DAG1: variants seen among roughly 807,000 people sequenced by gnomAD.
DAG1 encodes the protein dystroglycan 1, also known as dystroglycan 1 (dystrophin-associated glycoprotein 1).
A neutral mutation model predicts 46.1 loss-of-function variants in DAG1; 8 were observed. That is an observed-to-expected ratio of 0.17 (90% CI 0.10 to 0.31). The LOEUF (loss-of-function observed/expected upper bound fraction) is 0.31, where lower values mean the gene tolerates loss of function less well. DAG1 is among the 10% of genes least tolerant of loss of function. DAG1 has a pLI of 1.00. For synonymous variants in DAG1, 495 were observed against 481.8 expected (o/e 1.03, Z -0.36); for missense variants, 1,003 against 1,189.9 (o/e 0.84, Z 2.31).
intron 1 of DAG1, among the ~76,000 whole-genome samples, chr3:49,508,165 T>G (rs1032866538): frequency 2.0e-5 from 3 of 150,048 alleles, no homozygotes; most frequent in African/African-American, 7.3e-5. Flanking sequence ...TTTTTATTAT[T>G]TCCTTCTGCT....
chr3:49,520,717 T>C (rs1020959162), intron 2 of DAG1, among the ~76,000 whole-genome samples: 13 of 152,202 alleles, frequency 8.5e-5, no homozygotes, highest in Admixed American at 8.5e-4. Flanking sequence ...CAAAGTTCCC[T>C]CCAAAAGATT....
intron 2 of DAG1, among the ~76,000 whole-genome samples, chr3:49,514,503 C>A (rs1415516837): frequency 6.6e-6 from 1 of 152,074 alleles, no homozygotes. Context: ...CAGAGTCTCA[C>A]TTTGTTGCCC....
At chr3:49,528,375 C>T (rs2051248630) in intron 2 of DAG1, among the ~76,000 whole-genome samples, 2 of 137,726 alleles carry the variant, frequency 1.5e-5, no homozygotes, top group African/African-American at 5.4e-5. Flanking sequence ...GCCTCTGTCT[C>T]CTGGGTTCAA....
intron 1 of DAG1, among the ~76,000 whole-genome samples, chr3:49,505,567 T>C (rs892709235): frequency 5.3e-5 from 8 of 152,210 alleles, no homozygotes; most frequent in African/African-American, 1.7e-4. Context: ...AGAACTGATA[T>C]AGGACTATAA....
Position 49,507,575 on chromosome 3 carries a change from A to C in DAG1, c.-116-2844A>C, listed in dbSNP as rs759920508. On this transcript the variant is annotated intron_variant, in intron 1 of 2. Transcript: ENST00000308775. ...AGGCTCCATCTCAAATAAATAAATA[A>C]ATTTAAAAAAAAATTACAAATTCAA... Among the ~76,000 whole-genome samples, 70 of 151,972 alleles carry C rather than the reference A, an allele frequency of 4.6e-4. 1 individual carries two copies. The highest frequency in any genetic ancestry group is 3.4e-3 in the Middle Eastern group (1 of 294).
rs2051367136 is a variant in DAG1, at chr3:49,532,094, A to T, written c.1583A>T (p.Asp528Val). The T allele has an allele frequency of 6.2e-7, 1 of 1,614,050 alleles. No homozygotes were observed. Among genetic ancestry groups the T allele is most frequent in the Non-Finnish European group, 8.5e-7 (1 of 1,180,050 alleles). ...IPSDTFYDHE[D>V]TTTDKLKLTL... is the part of the protein sequence containing the mutation. The stretch of plus-strand genomic sequence containing the variant: ...TCAGACACTTTCTATGACCATGAGG[A>T]CACCACCACTGACAAGCTGAAGCTG... The change falls in exon 3 of 3, where the codon GAC becomes GTC. Residue 528 changes from aspartate (D) to valine (V), a missense_variant. Asp to Val is a radical substitution (Grantham distance 152, BLOSUM62 -3). Transcript: ENST00000308775. This position sits in a 1 kb window ranked among gnomAD's most constrained non-coding sequence, Gnocchi z 5.4.
chr3:49,470,173 G>C (rs893767571), upstream of DAG1: 1 of 151,400 alleles, frequency 6.6e-6, no homozygotes, highest in East Asian at 1.9e-4. Flanking sequence ...TCGGCGCCGC[G>C]CGGAGCTGGC....
At chr3:49,500,374 G>T (rs909748271) in intron 1 of DAG1, among the ~76,000 whole-genome samples, 1 of 152,116 alleles carries the variant, frequency 6.6e-6, no homozygotes, top group African/African-American at 2.4e-5. Context: ...GAGGAAGGGA[G>T]TGCCTGGTCA....
At chr3:49,530,436 C>A (rs75153130) in intron 2 of DAG1, among the ~76,000 whole-genome samples, 5,798 of 152,212 alleles carry the variant, frequency 0.038, 164 homozygotes, top group Non-Finnish European at 0.06. Context: ...CTTGATTCTT[C>A]AGGTAGAATG....
intron 1 of DAG1, among the ~76,000 whole-genome samples, chr3:49,505,090 G>A (rs550536038): frequency 2.0e-4 from 30 of 151,696 alleles, no homozygotes; most frequent in African/African-American, 7.0e-4. Context: ...GACCTGCTGG[G>A]CTCAAGCGAT....
intron 2 of DAG1, among the ~76,000 whole-genome samples, chr3:49,517,083 T>C (rs527635658): frequency 1.4e-5 from 2 of 146,956 alleles, no homozygotes; most frequent in Non-Finnish European, 3.0e-5. Flanking sequence ...AACCTCCGTC[T>C]CCCAGGTTCA....
At chr3:49,530,374 G>A (rs570909679) in intron 2 of DAG1, among the ~76,000 whole-genome samples, 45 of 152,148 alleles carry the variant, frequency 3.0e-4, no homozygotes, top group Admixed American at 2.3e-3. Context: ...GCAGAGGGCC[G>A]GGGAGAAGTC....
intron 1 of DAG1, among the ~76,000 whole-genome samples, chr3:49,498,783 A>G (rs1321342324): frequency 6.6e-6 from 1 of 151,144 alleles, no homozygotes; most frequent in Non-Finnish European, 1.5e-5. Flanking sequence ...TTGTAATCTC[A>G]CTGCAATCTC....
rs1267637548 is a variant in DAG1, at chr3:49,514,635, T to C, written c.285+3816T>C. ...ACAGGCATGCGCTACCACACCTGGC[T>C]AATTTTTGTGTTTTTTTGGGGGGAT... On this transcript the variant is annotated intron_variant, in intron 2 of 2. Coordinates refer to ENST00000308775, the MANE Select transcript of DAG1 (RefSeq NM_004393.6). Among the ~76,000 whole-genome samples, 3 of 150,558 alleles carry C rather than the reference T, an allele frequency of 2.0e-5. No individual in the cohort carries two copies. The South Asian group carries it at 6.3e-4, about 32-fold the overall frequency.
intron 1 of DAG1, among the ~76,000 whole-genome samples, chr3:49,474,141 G>A (rs768630886): frequency 7.2e-5 from 11 of 152,040 alleles, no homozygotes; most frequent in East Asian, 1.9e-4. Context: ...TGCAACCTCC[G>A]CCTCCTGGGT....
At position 49,532,383 on chromosome 3, in the gene DAG1, CAAG is replaced by C. The variant is rs745350022; in HGVS notation, c.1877_1879del (p.Lys626del). 2.5e-6 allele frequency: 4 copies of C among 1,614,070 alleles called. No individual in the cohort carries two copies. In the African/African-American group the frequency reaches 4.0e-5, roughly 16 times the overall value. On this transcript the variant is annotated inframe_deletion, in exon 3 of 3. Transcript: ENST00000308775. This position sits in a 1 kb window ranked among gnomAD's most constrained non-coding sequence, Gnocchi z 5.4. ...CGGCACTGGTGTTGAATGACATCCA[CAAG>C]AAGATTGCCTTGGTAAAGAAACTGG... is the stretch of plus-strand genomic sequence containing the variant.
In DAG1 at chr3:49,478,802, C is replaced by CTTTTT. The variant is rs201202889; in HGVS notation, c.-117+8393_-117+8397dup. ...TGAAAAGTCTCTTGTCGTCCCCTCC[C>CTTTTT]TTTTTTTTTTTTTTTTTTTTTTTTT... On this transcript the variant is annotated intron_variant, in intron 1 of 2. Coordinates refer to ENST00000308775, the MANE Select transcript of DAG1 (RefSeq NM_004393.6). 9.2e-4 allele frequency among the ~76,000 whole-genome samples: 70 copies of CTTTTT among 76,012 alleles called. 3 individuals carry two copies. Among genetic ancestry groups the CTTTTT allele is most frequent in the Non-Finnish European group, 1.5e-3 (60 of 41,354 alleles). The allele number at this position is 76,012 out of a possible 152,430, so 49.9% of individuals were successfully genotyped here.
chr3:49,486,955 T>A (rs1303508894), intron 1 of DAG1, among the ~76,000 whole-genome samples: 2 of 152,178 alleles, frequency 1.3e-5, no homozygotes, highest in Non-Finnish European at 2.9e-5. Context: ...AGTGGTGTGA[T>A]CTTGGCTCAC....
At chr3:49,524,030 G>A (rs1416990570) in intron 2 of DAG1, among the ~76,000 whole-genome samples, 1 of 152,222 alleles carries the variant, frequency 6.6e-6, no homozygotes, top group Non-Finnish European at 1.5e-5. Context: ...TCACCCTTAG[G>A]ATCTGAGAAG....
Sources: gnomAD v4.1 joint callset for allele counts (sites outside exome capture counted in the v4.1 genomes callset) on GRCh38, gnomAD v4.1.1 for gene constraint, Gnocchi (gnomAD v3.1) non-coding constraint, MANE v1.5 for transcripts, NCBI Gene and HGNC (gene_info 2026-07-23, HGNC 2026-07-21) for gene names.